Variants in WNT3A observed in about 807,000 individuals in gnomAD.
WNT3A encodes the protein protein Wnt-3a.
In WNT3A, 17 loss-of-function variants were observed where a neutral mutation model predicts 37.0. That is an observed-to-expected ratio of 0.46 (90% CI 0.31 to 0.69). The LOEUF (loss-of-function observed/expected upper bound fraction) is 0.69. Ranked by LOEUF, WNT3A falls within the 30% of genes least tolerant of loss-of-function variation. The pLI, the probability that WNT3A is intolerant of heterozygous loss-of-function variation, is 0.05. For missense variants in WNT3A, 411 were observed against 510.2 expected (o/e 0.81, Z 1.87); for synonymous variants, 187 against 211.0 (o/e 0.89, Z 0.99).
At chr1:228,018,805 A>T (rs1377562418) in intron 1 of WNT3A, among the ~76,000 whole-genome samples, 2 of 152,092 alleles carry the variant, frequency 1.3e-5, no homozygotes, top group Non-Finnish European at 2.9e-5. Context: ...GCCCCACAGG[A>T]GCTCCCCGCT....
intron 2 of WNT3A, among the ~76,000 whole-genome samples, chr1:228,028,474 T>G (rs994662866): frequency 7.2e-5 from 11 of 151,816 alleles, no homozygotes; most frequent in African/African-American, 1.9e-4. Flanking sequence ...GCTAATTTTT[T>G]TTGTTGTTGT....
At chr1:228,051,438 A>T (rs974754618) in intron 3 of WNT3A, among the ~76,000 whole-genome samples, 7 of 152,208 alleles carry the variant, frequency 4.6e-5, no homozygotes, top group Non-Finnish European at 1.0e-4. Flanking sequence ...CAAGCCGTGT[A>T]AAGCTTCGTG....
At chr1:228,020,874 G>A (rs2102764396) in intron 1 of WNT3A, among the ~76,000 whole-genome samples, 1 of 152,218 alleles carries the variant, frequency 6.6e-6, no homozygotes, top group South Asian at 2.1e-4. Context: ...GATCTCCAGG[G>A]GGTAGACATA....
At chr1:228,018,467 A>G (rs1201368117) in intron 1 of WNT3A, among the ~76,000 whole-genome samples, 1 of 151,114 alleles carries the variant, frequency 6.6e-6, no homozygotes, top group African/African-American at 2.4e-5. Flanking sequence ...ATCAGAGCTC[A>G]CTGTGGCCTT....
chr1:228,046,605 G>C (rs1382884006), intron 2 of WNT3A, among the ~76,000 whole-genome samples: 1 of 151,700 alleles, frequency 6.6e-6, no homozygotes, highest in Non-Finnish European at 1.5e-5. Flanking sequence ...GTATGTGCAT[G>C]CATGTGTGTG....
At chr1:228,044,735 TG>T (rs2031362058) in intron 2 of WNT3A, among the ~76,000 whole-genome samples, 1 of 152,244 alleles carries the variant, frequency 6.6e-6, no homozygotes, top group Admixed American at 6.5e-5. Context: ...CCATTGTGCT[TG>T]ATAAACACTG....
At chr1:228,036,360 T>A (rs2031142808) in intron 2 of WNT3A, among the ~76,000 whole-genome samples, 1 of 151,650 alleles carries the variant, frequency 6.6e-6, no homozygotes, top group African/African-American at 2.4e-5. Context: ...TGTGCATGCC[T>A]GTGTGTATGC....
chr1:228,015,586 C>T (rs372315088), intron 1 of WNT3A, among the ~76,000 whole-genome samples: 1 of 152,190 alleles, frequency 6.6e-6, no homozygotes. Context: ...CTGGGCCCAG[C>T]CTTCCTGCCC....
At chr1:228,032,908 T>A (rs535009106) in intron 2 of WNT3A, among the ~76,000 whole-genome samples, 177 of 152,364 alleles carry the variant, frequency 1.2e-3, no homozygotes, top group Non-Finnish European at 2.1e-3. Flanking sequence ...GGTTTTCATT[T>A]GCATTTCCCT....
intron 2 of WNT3A, among the ~76,000 whole-genome samples, chr1:228,024,114 A>G (rs1349335213): frequency 6.6e-6 from 1 of 152,190 alleles, no homozygotes; most frequent in Non-Finnish European, 1.5e-5. Context: ...TTGGACATGC[A>G]TGTGTTTGAA....
chr1:228,059,882 A>G lies in WNT3A; in HGVS notation c.*417A>G. ...GGGCACTAGGTAGGCTTCTACCTGCAGGCGGGGCTCCTCCTGAAGGAGGCG... is the reference window on the plus strand; with the variant it reads ...GGGCACTAGGTAGGCTTCTACCTGCGGGCGGGGCTCCTCCTGAAGGAGGCG... On this transcript the variant is annotated 3_prime_UTR_variant, in exon 4 of 4. Coordinates refer to ENST00000284523, the MANE Select transcript of WNT3A (RefSeq NM_033131.4). 9.6e-7 allele frequency: 1 copy of G among 1,046,284 alleles called. No homozygotes were observed. Among genetic ancestry groups the G allele is most frequent in the African/African-American group, 1.8e-5 (1 of 56,556 alleles). 64.8% of individuals were successfully genotyped at this position (1,046,284 alleles called of 1,614,324 possible). A position where few individuals can be genotyped will look rare whatever the true frequency, so the allele number is the denominator to read the frequency against.
intron 1 of WNT3A, among the ~76,000 whole-genome samples, 173 bp from the exon 2 acceptor site, chr1:228,022,494 C>A (rs534606320): frequency 1.3e-5 from 2 of 152,322 alleles, no homozygotes; most frequent in South Asian, 4.1e-4. Context: ...CTTAATTGGG[C>A]TTTTAAGTAA....
In WNT3A at chr1:228,042,975, G is replaced by A. The variant is rs2031323235; in HGVS notation, c.314-7681G>A. 1.3e-5 allele frequency among the ~76,000 whole-genome samples: 2 copies of A among 151,536 alleles called. No individual in the cohort carries two copies. Among genetic ancestry groups the A allele is most frequent in the South Asian group, 4.2e-4 (2 of 4,782 alleles). ...TAGATGAATTTATAAGTGGATACAT[G>A]GTAGGTGGTGGTAGAGGATGTATGA... On this transcript the variant is annotated intron_variant, in intron 2 of 3. Coordinates refer to ENST00000284523, the MANE Select transcript of WNT3A (RefSeq NM_033131.4). The surrounding 1 kb of genome is among the most constrained non-coding windows in gnomAD (Gnocchi z 5.2).
intron 1 of WNT3A, among the ~76,000 whole-genome samples, chr1:228,020,256 G>A (rs984376143): frequency 3.3e-5 from 5 of 152,220 alleles, no homozygotes; most frequent in African/African-American, 1.2e-4. Flanking sequence ...CTGCAGTCCT[G>A]GGCGAAGCAG....
intron 1 of WNT3A, among the ~76,000 whole-genome samples, chr1:228,010,122 G>T (rs1458930429): frequency 2.6e-5 from 4 of 152,210 alleles, no homozygotes; most frequent in African/African-American, 4.8e-5. Flanking sequence ...TGAGTTCTCA[G>T]GAACAAGAAT....
Position 228,022,702 on chromosome 1 carries a change from G to A in WNT3A, c.107G>A (p.Gly36Asp), listed in dbSNP as rs1354332166. 1.2e-6 allele frequency: 2 copies of A among 1,614,098 alleles called. No homozygotes were observed. The highest frequency in any genetic ancestry group is 4.5e-5 in the East Asian group (2 of 44,858). ...LAVGPQYSSL[G>D]SQPILCASIP... ...GTTGGGCCACAGTATTCCTCCCTGG[G>A]CTCGCAGCCCATCCTGTGTGCCAGC... The change falls in exon 2 of 4, where the codon GGC becomes GAC. Residue 36 changes from glycine (G) to aspartate (D), a missense_variant. Physicochemically the swap from Gly to Asp is moderately conservative, Grantham distance 94 (BLOSUM62 -1). Transcript: ENST00000284523.
intron 2 of WNT3A, among the ~76,000 whole-genome samples, chr1:228,047,793 G>A (rs759435901): frequency 7.2e-5 from 11 of 152,166 alleles, no homozygotes; most frequent in South Asian, 4.2e-4. Context: ...GAGCAGGAGC[G>A]GGATAAAGAG....
chr1:228,039,200 T>G lies in WNT3A; in HGVS notation c.314-11456T>G, dbSNP rs1214073721. ...CCCAGGAGGCATGGCCAGGTGAGCA[T>G]GGGTCAACATCAAGAAGCAGACTGG... is the stretch of plus-strand genomic sequence containing the variant. On this transcript the variant is annotated intron_variant, in intron 2 of 3. Coordinates refer to ENST00000284523, the MANE Select transcript of WNT3A (RefSeq NM_033131.4). This position sits in a 1 kb window ranked among gnomAD's most constrained non-coding sequence, Gnocchi z 4.1. Among the ~76,000 whole-genome samples, 1 of 151,940 alleles carries G rather than the reference T, an allele frequency of 6.6e-6. No individual in the cohort carries two copies. Among genetic ancestry groups the G allele is most frequent in the Non-Finnish European group, 1.5e-5 (1 of 67,966 alleles).
At chr1:228,054,614 TG>T (rs1220430538) in intron 3 of WNT3A, among the ~76,000 whole-genome samples, 3 of 118,476 alleles carry the variant, frequency 2.5e-5, no homozygotes, top group Admixed American at 1.1e-4. Flanking sequence ...GGCGACAGAG[TG>T]AGACTCTGTC....
Sources: allele counts gnomAD v4.1 joint callset (sites outside exome capture counted in the v4.1 genomes callset), GRCh38; gene constraint gnomAD v4.1.1; non-coding constraint Gnocchi (gnomAD v3.1); transcripts MANE v1.5; gene names NCBI Gene and HGNC (gene_info 2026-07-23, HGNC 2026-07-21).